Variants in CALN1 observed in about 807,000 individuals in gnomAD.
CALN1 encodes calcium-binding protein 8.
CALN1 carries 17 observed loss-of-function variants against 30.6 expected under a neutral mutation model. That is an observed-to-expected ratio of 0.56 (90% confidence interval 0.38 to 0.83). The LOEUF is 0.83. Among genes scored for constraint, CALN1 ranks in the 40% least tolerant of loss-of-function variants. The probability of loss-of-function intolerance (pLI) is 0.00; values close to 1 mark genes in which losing one functional copy is unlikely to be tolerated. For missense variants in CALN1, 291 were observed against 354.9 expected (o/e 0.82, Z 1.45); for synonymous variants, 156 against 131.4 (o/e 1.19, Z -1.28).
intron 6 of CALN1, among the ~76,000 whole-genome samples, chr7:71,796,961 C>A (rs1786964260): frequency 6.9e-6 from 1 of 145,832 alleles, no homozygotes; most frequent in African/African-American, 2.7e-5. Context: ...TTGACTGTTT[C>A]TTTCCCTCTC....
intron 3 of CALN1, among the ~76,000 whole-genome samples, chr7:72,221,101 G>A (rs1217971397): frequency 6.6e-6 from 1 of 152,008 alleles, no homozygotes; most frequent in African/African-American, 2.4e-5. Flanking sequence ...TGGTGTTTTA[G>A]ACATGAAATC....
intron 5 of CALN1, among the ~76,000 whole-genome samples, chr7:71,963,122 C>T (rs974421119): frequency 6.6e-6 from 1 of 152,056 alleles, no homozygotes; most frequent in African/African-American, 2.4e-5. Flanking sequence ...ATTAGGGTCA[C>T]CTGTACTAAA....
In CALN1 at chr7:71,788,487, TGTTG is replaced by T. The variant is rs1195225091; in HGVS notation, c.659-589_659-586del. 4.8e-4 allele frequency among the ~76,000 whole-genome samples: 67 copies of T among 139,200 alleles called. 1 individual carries two copies. The highest frequency in any genetic ancestry group is 2.4e-3 in the East Asian group (9 of 3,772). The allele number at this position is 139,200 out of a possible 152,430, so 91.3% of individuals were successfully genotyped here. The stretch of plus-strand genomic sequence containing the variant: ...TCCCCATTACTAAGAGGTTTTTTTT[TGTTG>T]TTTTTTTTTTTTTTTTTAGAGAAAG... On this transcript the variant is annotated intron_variant, in intron 6 of 6. Coordinates refer to ENST00000395275, the MANE Select transcript of CALN1 (RefSeq NM_031468.4).
chr7:71,896,992 A>G (rs1793565524), intron 5 of CALN1, among the ~76,000 whole-genome samples: 2 of 152,276 alleles, frequency 1.3e-5, no homozygotes, highest in Middle Eastern at 3.4e-3. Flanking sequence ...ATGAGCCAGG[A>G]AATAAGGCTA....
intron 4 of CALN1, among the ~76,000 whole-genome samples, chr7:72,027,677 C>G (rs1172193154): frequency 6.6e-6 from 1 of 151,582 alleles, no homozygotes; most frequent in African/African-American, 2.4e-5. Context: ...CACCACTGCA[C>G]TCCAGCCTGG....
Position 72,343,221 on chromosome 7 carries a change from C to T in CALN1, c.119+60030G>A, listed in dbSNP as rs192457038. Among the ~76,000 whole-genome samples, 208 of 152,296 alleles carry T rather than the reference C, an allele frequency of 1.4e-3. 1 individual carries two copies. Among genetic ancestry groups the T allele is most frequent in the Admixed American group, 4.1e-3 (63 of 15,300 alleles). On this transcript the variant is annotated intron_variant, in intron 2 of 6. Coordinates refer to ENST00000395275, the MANE Select transcript of CALN1 (RefSeq NM_031468.4). ...GCTTATTGGAAGCTGGAGAAAAGAA[C>T]GCCTGAGTCACGTCCCAGCAGAACA...
At chr7:71,917,924 G>A (rs1228519641) in intron 5 of CALN1, among the ~76,000 whole-genome samples, 1 of 152,162 alleles carries the variant, frequency 6.6e-6, no homozygotes, top group Admixed American at 6.5e-5. Flanking sequence ...CTATGTCTCA[G>A]TGAAACTGGA....
intron 6 of CALN1, among the ~76,000 whole-genome samples, chr7:71,809,463 T>G (rs1286806013): frequency 2.0e-4 from 1 of 4,904 alleles, no homozygotes; most frequent in Non-Finnish European, 5.0e-4. Context: ...ATTTAAATGT[T>G]CAAAAAAAAA....
intron 4 of CALN1, among the ~76,000 whole-genome samples, chr7:72,027,751 AC>A (rs1223592393): frequency 1.1e-3 from 166 of 148,702 alleles, no homozygotes; most frequent in African/African-American, 4.0e-3. Flanking sequence ...ACACACACAC[AC>A]ACACACAAAA....
chr7:72,497,368 A>G, the CALN1 span, among the ~76,000 whole-genome samples: 1 of 152,168 alleles, frequency 6.6e-6, no homozygotes, highest in South Asian at 2.1e-4. Flanking sequence ...TGAACCTGGG[A>G]GGCGGAGGTT....
chr7:72,034,031 T>G (rs1044744679), intron 4 of CALN1, among the ~76,000 whole-genome samples: 4 of 152,198 alleles, frequency 2.6e-5, no homozygotes, highest in Admixed American at 2.6e-4. Context: ...GGTGTCTGGT[T>G]TGCGACACCA....
At chr7:72,288,917 C>A (rs776466546) in intron 2 of CALN1, among the ~76,000 whole-genome samples, 2 of 152,140 alleles carry the variant, frequency 1.3e-5, no homozygotes, top group Non-Finnish European at 2.9e-5. Flanking sequence ...CAATTTTCTG[C>A]TCATCATTGG....
At chr7:72,162,277 G>A (rs1788168645) in intron 3 of CALN1, among the ~76,000 whole-genome samples, 1 of 151,916 alleles carries the variant, frequency 6.6e-6, no homozygotes, top group Admixed American at 6.6e-5. Flanking sequence ...AGAAAGTATT[G>A]GTTTCAGTAA....
chr7:72,209,972 TAAAAC>T lies in CALN1; in HGVS notation c.244+68709_244+68713del, dbSNP rs542130091. Among the ~76,000 whole-genome samples, 20 of 152,242 alleles carry T rather than the reference TAAAAC, an allele frequency of 1.3e-4. No homozygotes were observed. In the South Asian group the frequency reaches 3.1e-3, roughly 24 times the overall value. ...ATCAAAAGTTCTAGATAATAAAAAT[TAAAAC>T]AAAGTCATAAGAGGGTGTTCCAGCA... On this transcript the variant is annotated intron_variant, in intron 3 of 6. Coordinates refer to ENST00000395275, the MANE Select transcript of CALN1 (RefSeq NM_031468.4).
intron 5 of CALN1, among the ~76,000 whole-genome samples, chr7:71,872,429 T>C (rs1791989643): frequency 6.6e-6 from 1 of 152,110 alleles, no homozygotes; most frequent in Non-Finnish European, 1.5e-5. Context: ...TTCCTTGCAA[T>C]TTCAATGTCG....
Position 71,935,850 on chromosome 7 carries a change from C to T in CALN1, c.501+87807G>A, listed in dbSNP as rs553134701. Among the ~76,000 whole-genome samples the T allele has an allele frequency of 1.4e-4, 21 of 152,300 alleles. 1 individual carries two copies. The highest frequency in any genetic ancestry group is 1.4e-3 in the East Asian group (7 of 5,182). On this transcript the variant is annotated intron_variant, in intron 5 of 6. Transcript: ENST00000395275. ...CTGCCCAATGGTAGTCTTGAGGTTG[C>T]GGGATGCTTGACCACAAAATGCAAT...
At position 72,203,332 on chromosome 7, in the gene CALN1, T is replaced by C. The variant is rs1791574958; in HGVS notation, c.244+75354A>G. ...CAAACCTGCACATTCTGCACATGTA[T>C]CCCAGAACTTAAAGTAAAATAAAAA... On this transcript the variant is annotated intron_variant, in intron 3 of 6. Coordinates refer to ENST00000395275, the MANE Select transcript of CALN1 (RefSeq NM_031468.4). Among the ~76,000 whole-genome samples the C allele has an allele frequency of 2.6e-5, 4 of 151,666 alleles. No individual in the cohort carries two copies. In the South Asian group the frequency reaches 6.3e-4, roughly 24 times the overall value.
intron 3 of CALN1, among the ~76,000 whole-genome samples, chr7:72,173,911 T>TC (rs1789155795): frequency 6.6e-6 from 1 of 151,758 alleles, no homozygotes; most frequent in Admixed American, 6.6e-5. Flanking sequence ...AAAGTATGAA[T>TC]CATAACACAA....
At chr7:72,351,271 G>C (rs764930631) in intron 2 of CALN1, among the ~76,000 whole-genome samples, 2 of 152,134 alleles carry the variant, frequency 1.3e-5, no homozygotes, top group Non-Finnish European at 1.5e-5. Context: ...GGGAGGCTGA[G>C]GCAGGAGGAT....
Sources: gnomAD v4.1 joint callset for allele counts (sites outside exome capture counted in the v4.1 genomes callset) on GRCh38, gnomAD v4.1.1 for gene constraint, MANE v1.5 for transcripts, NCBI Gene and HGNC (gene_info 2026-07-23, HGNC 2026-07-21) for gene names.